Variants in EPHA5 observed in about 807,000 individuals in gnomAD.
The protein encoded by EPHA5 is ephrin type-A receptor 5.
A neutral mutation model predicts 105.0 loss-of-function variants in EPHA5; 60 were observed. The observed-to-expected ratio is 0.57, with a 90% CI of 0.46 to 0.71. EPHA5 has a LOEUF of 0.71. Among genes scored for constraint, EPHA5 ranks in the 30% least tolerant of loss-of-function variants. EPHA5 has a pLI of 0.00. For missense variants in EPHA5, 1,218 were observed against 1,274.7 expected (o/e 0.96, Z 0.68); for synonymous variants, 513 against 449.1 (o/e 1.14, Z -1.80).
intron 3 of EPHA5, among the ~76,000 whole-genome samples, chr4:65,524,523 A>G (rs542865231): frequency 6.6e-6 from 1 of 151,904 alleles, no homozygotes; most frequent in South Asian, 2.1e-4. Flanking sequence ...AGACCAGATT[A>G]ATGTTGGATG....
At chr4:65,430,266 A>T (rs1404328462) in intron 5 of EPHA5, among the ~76,000 whole-genome samples, 1 of 151,994 alleles carries the variant, frequency 6.6e-6, no homozygotes, top group African/African-American at 2.4e-5. Context: ...TAAAATCCAT[A>T]TTTTTTGTTC....
Position 65,563,729 on chromosome 4 carries a change from C to T in EPHA5, c.910+37912G>A, listed in dbSNP as rs10017228. ...TTTGATGAAAATATTTGGAAATTAGCACATGAAAACATTGTTAATTTCTAA... is the reference window on the plus strand; with the variant it reads ...TTTGATGAAAATATTTGGAAATTAGTACATGAAAACATTGTTAATTTCTAA... On this transcript the variant is annotated intron_variant, in intron 3 of 16. Coordinates refer to ENST00000613740, the MANE Select transcript of EPHA5 (RefSeq NM_001281766.3). Among the ~76,000 whole-genome samples, 318 of 152,012 alleles carry T rather than the reference C, an allele frequency of 2.1e-3. 1 individual carries two copies. The highest frequency in any genetic ancestry group is 7.1e-3 in the African/African-American group (295 of 41,510).
At chr4:65,654,003 C>A (rs1287654485) in intron 1 of EPHA5, among the ~76,000 whole-genome samples, 1 of 152,024 alleles carries the variant, frequency 6.6e-6, no homozygotes, top group Non-Finnish European at 1.5e-5. Flanking sequence ...GGACAGCAAT[C>A]TGCTTGCCAA....
At chr4:65,335,643 A>T (rs536941965) in intron 15 of EPHA5, among the ~76,000 whole-genome samples, 1 of 125,174 alleles carries the variant, frequency 8.0e-6, no homozygotes, top group South Asian at 3.2e-4. Context: ...ATGCATGAAA[A>T]TACACACATT....
chr4:65,360,786 T>C (rs1344834802), intron 11 of EPHA5, among the ~76,000 whole-genome samples: 2 of 151,664 alleles, frequency 1.3e-5, no homozygotes, highest in Admixed American at 6.6e-5. Flanking sequence ...TTAAGATCTT[T>C]ACATAGCCAC....
At chr4:65,450,840 A>G (rs1406147760) in intron 5 of EPHA5, among the ~76,000 whole-genome samples, 1 of 152,168 alleles carries the variant, frequency 6.6e-6, no homozygotes, top group Non-Finnish European at 1.5e-5. Context: ...TAATTGTGGC[A>G]ACTAATTCAT....
intron 5 of EPHA5, among the ~76,000 whole-genome samples, chr4:65,483,965 T>C (rs1479863938): frequency 6.6e-6 from 1 of 152,160 alleles, no homozygotes; most frequent in Non-Finnish European, 1.5e-5. Context: ...TATGAAAACA[T>C]TAGCAGATTT....
intron 5 of EPHA5, among the ~76,000 whole-genome samples, chr4:65,469,215 G>T (rs1729054269): frequency 6.6e-6 from 1 of 152,132 alleles, no homozygotes; most frequent in African/African-American, 2.4e-5. Flanking sequence ...AATGAAGCCA[G>T]ACCCATAATC....
chr4:65,530,058 A>C (rs1235786928), intron 3 of EPHA5, among the ~76,000 whole-genome samples: 1 of 152,154 alleles, frequency 6.6e-6, no homozygotes, highest in Non-Finnish European at 1.5e-5. Flanking sequence ...ATACAGAGAT[A>C]ATATAAGTTT....
chr4:65,599,600 T>C (rs1743515431), intron 3 of EPHA5, among the ~76,000 whole-genome samples: 1 of 152,112 alleles, frequency 6.6e-6, no homozygotes, highest in African/African-American at 2.4e-5. Flanking sequence ...CGACTACATG[T>C]GTGAAACATT....
chr4:65,576,068 GAAAAGA>G (rs1740954731), intron 3 of EPHA5, among the ~76,000 whole-genome samples: 10 of 52,944 alleles, frequency 1.9e-4, no homozygotes, highest in South Asian at 1.7e-3. Flanking sequence ...GAAAAGAAAA[GAAAAGA>G]AAAGAAAAGA....
At chr4:65,366,147 C>A (rs1489277664) in intron 9 of EPHA5, 90 bp from the exon 10 acceptor site, 4 of 1,243,250 alleles carry the variant, frequency 3.2e-6, no homozygotes, top group South Asian at 3.1e-5. Context: ...TGGCTTAAAT[C>A]TCTAATTCCT....
intron 8 of EPHA5, among the ~76,000 whole-genome samples, chr4:65,387,175 A>G (rs1720183142): frequency 6.6e-6 from 1 of 151,958 alleles, no homozygotes; most frequent in Admixed American, 6.6e-5. Context: ...CAGGATTGAT[A>G]GTGATTTTCA....
chr4:65,664,677 G>A (rs962468413), intron 1 of EPHA5, among the ~76,000 whole-genome samples: 3 of 151,944 alleles, frequency 2.0e-5, no homozygotes, highest in Middle Eastern at 3.4e-3. Flanking sequence ...TATTTACTCA[G>A]AAGGGCACAG....
intron 5 of EPHA5, among the ~76,000 whole-genome samples, chr4:65,452,532 A>AT (rs1385001453): frequency 5.3e-5 from 8 of 151,868 alleles, no homozygotes; most frequent in Admixed American, 4.6e-4. Context: ...ATGGAGACTG[A>AT]TTATTGCTAA....
At chr4:65,358,906 T>C (rs1030443617) in intron 11 of EPHA5, among the ~76,000 whole-genome samples, 7 of 151,592 alleles carry the variant, frequency 4.6e-5, no homozygotes, top group African/African-American at 1.7e-4. Context: ...TTTCAATAGA[T>C]GTTCGTTTCT....
At chr4:65,628,346 A>G (rs1052467421) in intron 2 of EPHA5, among the ~76,000 whole-genome samples, 3 of 152,094 alleles carry the variant, frequency 2.0e-5, no homozygotes, top group Admixed American at 6.6e-5. Context: ...AATGAACTTC[A>G]ATGTATGAAT....
chr4:65,503,162 TGG>T (rs1732661714), intron 3 of EPHA5, among the ~76,000 whole-genome samples: 2 of 151,744 alleles, frequency 1.3e-5, no homozygotes, highest in East Asian at 1.9e-4. Flanking sequence ...AGCTAACTGT[TGG>T]GTACTATGTT....
intron 3 of EPHA5, among the ~76,000 whole-genome samples, chr4:65,564,297 A>G (rs182522461): frequency 4.1e-4 from 62 of 152,014 alleles, no homozygotes; most frequent in African/African-American, 1.4e-3. Context: ...AAATACTACA[A>G]CCATATCAAC....
Sources: gnomAD v4.1 joint callset for allele counts (sites outside exome capture counted in the v4.1 genomes callset) on GRCh38, gnomAD v4.1.1 for gene constraint, MANE v1.5 for transcripts, NCBI Gene and HGNC (gene_info 2026-07-23, HGNC 2026-07-21) for gene names.